The following ARHGEF3 variants were observed in gnomAD, a reference collection of about 807,000 sequenced individuals.
ARHGEF3 encodes the protein Rho guanine nucleotide exchange factor 3, also known as 59.8 kDA protein.
A neutral mutation model predicts 63.2 loss-of-function variants in ARHGEF3; 28 were observed. That is an observed-to-expected ratio of 0.44 (90% CI 0.33 to 0.61). The LOEUF (loss-of-function observed/expected upper bound fraction) is 0.61, where lower values mean the gene tolerates loss of function less well. ARHGEF3 is among the 20% of genes least tolerant of loss of function. ARHGEF3 has a pLI of 0.03. For missense variants in ARHGEF3, 533 were observed against 659.3 expected (o/e 0.81, Z 2.10); for synonymous variants, 266 against 254.2 (o/e 1.05, Z -0.44).
intron 2 of ARHGEF3, among the ~76,000 whole-genome samples, chr3:56,989,677 C>CA (rs113638344): frequency 0.013 from 1,957 of 152,286 alleles, 42 homozygotes; most frequent in African/African-American, 0.045. Flanking sequence ...GCTGCCTCCC[C>CA]ACAGCTGGGG....
At chr3:56,949,243 A>G (rs917404199) in intron 3 of ARHGEF3, among the ~76,000 whole-genome samples, 7 of 151,698 alleles carry the variant, frequency 4.6e-5, no homozygotes, top group African/African-American at 1.7e-4. Context: ...CTCTCTCACC[A>G]CTCCTATTCA....
intron 3 of ARHGEF3, among the ~76,000 whole-genome samples, chr3:56,944,460 C>G (rs1434865521): frequency 6.6e-6 from 1 of 151,132 alleles, no homozygotes; most frequent in African/African-American, 2.4e-5. Context: ...AGCAAGAGAA[C>G]TAGAATTAGA....
chr3:56,846,556 A>G (rs187925768), intron 4 of ARHGEF3, among the ~76,000 whole-genome samples: 1 of 152,324 alleles, frequency 6.6e-6, no homozygotes, highest in Admixed American at 6.5e-5. Flanking sequence ...CAAAAGGGGC[A>G]CATTTGTATA....
intron 3 of ARHGEF3, among the ~76,000 whole-genome samples, chr3:56,948,673 G>A (rs568575703): frequency 6.6e-6 from 1 of 152,176 alleles, no homozygotes; most frequent in African/African-American, 2.4e-5. Context: ...GGACCAGATG[G>A]ATTCACAGCC....
intron 3 of ARHGEF3, among the ~76,000 whole-genome samples, chr3:56,920,243 T>C (rs192388615): frequency 2.8e-4 from 43 of 152,304 alleles, no homozygotes; most frequent in Non-Finnish European, 4.9e-4. Context: ...GTGCCTACGA[T>C]GCAAAGATGA....
intron 1 of ARHGEF3, among the ~76,000 whole-genome samples, chr3:57,056,702 TAG>T (rs1704953068): frequency 6.6e-6 from 1 of 152,268 alleles, no homozygotes; most frequent in African/African-American, 2.4e-5. Flanking sequence ...TAGTTTTTTG[TAG>T]AGACAGGATG....
intron 2 of ARHGEF3, among the ~76,000 whole-genome samples, chr3:57,005,716 G>A (rs759974538): frequency 3.3e-5 from 5 of 152,148 alleles, no homozygotes; most frequent in Non-Finnish European, 7.4e-5. Context: ...AAGGAGTGAC[G>A]GCATCACTTC....
chr3:56,762,505 A>G (rs929180837), intron 2 of ARHGEF3, among the ~76,000 whole-genome samples: 3 of 152,144 alleles, frequency 2.0e-5, no homozygotes, highest in Non-Finnish European at 4.4e-5. Flanking sequence ...CGGGGGTGGC[A>G]TGTGCGCTTT....
chr3:57,057,520 T>C (rs1579184183), intron 1 of ARHGEF3, among the ~76,000 whole-genome samples: 1 of 152,224 alleles, frequency 6.6e-6, no homozygotes, highest in East Asian at 1.9e-4. Context: ...TCTTGTCTGT[T>C]GACTCTGGTA....
intron 2 of ARHGEF3, among the ~76,000 whole-genome samples, chr3:56,976,029 C>T (rs184737929): frequency 3.4e-4 from 51 of 152,076 alleles, no homozygotes; most frequent in Admixed American, 4.6e-4. Flanking sequence ...AAATAATCAA[C>T]GCTTAGAAGG....
chr3:57,045,438 G>C (rs1704410402), intron 1 of ARHGEF3, among the ~76,000 whole-genome samples: 1 of 152,228 alleles, frequency 6.6e-6, no homozygotes, highest in African/African-American at 2.4e-5. Flanking sequence ...GGTCAGAGCA[G>C]GACTGGGGTC....
rs1361265165 is a variant in ARHGEF3, at chr3:57,017,030, T to TCA, written c.62+18057_62+18058insTG. Among the ~76,000 whole-genome samples the TCA allele has an allele frequency of 7.7e-3, 523 of 67,770 alleles. 2 individuals are homozygous for TCA. Among genetic ancestry groups the TCA allele is most frequent in the Middle Eastern group, 0.049 (7 of 144 alleles). The allele number at this position is 67,770 out of a possible 152,430, so 44.5% of individuals were successfully genotyped here. Reference sequence around the variant, plus strand: ...GTCTCTCTCTCTCTCTCTCTCTCTCTCTCACACACACACACACACACACAC... The same window carrying TCA: ...GTCTCTCTCTCTCTCTCTCTCTCTCTCACTCACACACACACACACACACACAC... On this transcript the variant is annotated intron_variant, in intron 2 of 12. Coordinates refer to the ARHGEF3 transcript ENST00000338458.
At chr3:56,934,658 C>T (rs2042504142) in intron 3 of ARHGEF3, among the ~76,000 whole-genome samples, 2 of 152,246 alleles carry the variant, frequency 1.3e-5, no homozygotes, top group African/African-American at 2.4e-5. Flanking sequence ...GCCAGCCCAC[C>T]AGCGCTGCGC....
chr3:56,747,993 TC>T (rs554181060), intron 6 of ARHGEF3, among the ~76,000 whole-genome samples: 125 of 152,364 alleles, frequency 8.2e-4, no homozygotes, highest in African/African-American at 2.5e-3. Context: ...GAGCTTGGCT[TC>T]TGATATAGAA....
intron 2 of ARHGEF3, among the ~76,000 whole-genome samples, chr3:57,020,101 T>A (rs891489099): frequency 2.0e-5 from 3 of 152,196 alleles, no homozygotes; most frequent in African/African-American, 7.2e-5. Flanking sequence ...TTTCACCATG[T>A]TAGTCAGGCT....
rs2042351348 is a variant in ARHGEF3, at chr3:56,929,278, T to A, written c.129+29545A>T. On this transcript the variant is annotated intron_variant, in intron 3 of 12. Transcript: ENST00000338458. Reference sequence around the variant, plus strand: ...AGTCCCAAGTGGCTAGAGTCATGGCTCCTGGTTAACTGAAATTTATCACAG... The same window carrying A: ...AGTCCCAAGTGGCTAGAGTCATGGCACCTGGTTAACTGAAATTTATCACAG... Among the ~76,000 whole-genome samples, 3 of 152,192 alleles carry A rather than the reference T, an allele frequency of 2.0e-5. No individual in the cohort carries two copies. The South Asian group carries it at 6.2e-4, about 31-fold the overall frequency.
intron 2 of ARHGEF3, among the ~76,000 whole-genome samples, chr3:57,010,329 G>C (rs1702641569): frequency 6.6e-6 from 1 of 151,984 alleles, no homozygotes. Context: ...GGTGGCGGGT[G>C]CCTGTAGTCC....
intron 4 of ARHGEF3, among the ~76,000 whole-genome samples, chr3:56,861,761 G>C (rs2040079510): frequency 6.6e-6 from 1 of 152,044 alleles, no homozygotes; most frequent in African/African-American, 2.4e-5. Flanking sequence ...AAATCCCAAA[G>C]ATCCTGCCGG....
intron 4 of ARHGEF3, among the ~76,000 whole-genome samples, chr3:56,864,614 T>C (rs1187591986): frequency 6.6e-6 from 1 of 152,194 alleles, no homozygotes; most frequent in South Asian, 2.1e-4. Context: ...TTGCTCACCA[T>C]GTTATTCTCT....
Sources: allele counts gnomAD v4.1 joint callset (sites outside exome capture counted in the v4.1 genomes callset), GRCh38; gene constraint gnomAD v4.1.1; transcripts MANE v1.5; gene names NCBI Gene and HGNC (gene_info 2026-07-23, HGNC 2026-07-21).